ZBBX: variants seen among roughly 807,000 people sequenced by gnomAD.
The protein encoded by ZBBX is zinc finger B-box domain-containing protein 1.
A neutral mutation model predicts 108.5 loss-of-function variants in ZBBX; 101 were observed. The ratio of observed to expected loss-of-function variants is 0.93; its 90% CI spans 0.79 to 1.10. ZBBX has a LOEUF of 1.10. Among genes scored for constraint, ZBBX ranks in the 50% least tolerant of loss-of-function variants. ZBBX has a pLI of 0.00. For synonymous variants in ZBBX, 356 were observed against 323.4 expected, an observed-to-expected ratio of 1.10 and a Z score of -1.08; for missense variants, 1,009 against 941.4, an observed-to-expected ratio of 1.07 and a Z score of -0.94.
intron 20 of ZBBX, among the ~76,000 whole-genome samples, chr3:167,249,978 T>G (rs1722290999): frequency 6.6e-6 from 1 of 152,182 alleles, no homozygotes; most frequent in African/African-American, 2.4e-5. Context: ...TTATATTAAG[T>G]TGTCCATGAT....
the ZBBX span, among the ~76,000 whole-genome samples, chr3:167,227,389 A>G: frequency 4.9e-3 from 738 of 151,780 alleles, 2 homozygotes; most frequent in African/African-American, 0.017. Flanking sequence ...ACAAAGCATT[A>G]TATTTTACCT....
At chr3:167,331,193 G>C (rs2108386756) in intron 10 of ZBBX, among the ~76,000 whole-genome samples, 1 of 5,036 alleles carries the variant, frequency 2.0e-4, no homozygotes, top group Admixed American at 2.1e-3. Flanking sequence ...GCTAATAAAG[G>C]TAACCAACTG....
chr3:167,303,535 T>A (rs1005602934), intron 17 of ZBBX, among the ~76,000 whole-genome samples: 1 of 152,192 alleles, frequency 6.6e-6, no homozygotes, highest in African/African-American at 2.4e-5. Flanking sequence ...AATTTCTTCC[T>A]TTTTTAAGTA....
At position 167,339,105 on chromosome 3, in the gene ZBBX, C is replaced by T. The variant is rs201352305; in HGVS notation, c.529-5120G>A. Among the ~76,000 whole-genome samples, 33 of 152,228 alleles carry T rather than the reference C, an allele frequency of 2.2e-4. No individual in the cohort carries two copies. In the East Asian group the frequency reaches 6.2e-3, roughly 29 times the overall value. On this transcript the variant is annotated intron_variant, in intron 9 of 21. Transcript: ENST00000675490. ...AATAGGGCAATGATGTCTGTATTAA[C>T]TCCAGAGTGTTATTGATTCTTAAGG... is the stretch of plus-strand genomic sequence containing the variant.
chr3:167,333,907 C>A lies in ZBBX; in HGVS notation c.607G>T (p.Glu203Ter), dbSNP rs777667343. ...IKDVNPDEPK[E>*]ENNSTKETSK... is the part of the protein sequence containing the mutation. ...GTTTCCTTTGTAGAATTATTCTCCT[C>A]TTTGGGTTCATCTGGATTAACATCC... is the stretch of plus-strand genomic sequence containing the variant. The change falls in exon 10 of 22, where the codon GAG becomes TAG. Residue 203 changes from glutamate (E) to a stop codon, truncating the protein, a stop_gained. Transcript: ENST00000675490. LOFTEE classifies it high-confidence loss of function. 6.2e-7 allele frequency: 1 copy of A among 1,612,682 alleles called. No homozygotes were observed. The highest frequency in any genetic ancestry group is 1.1e-5 in the South Asian group (1 of 90,934).
At chr3:167,323,493 G>A (rs779659781) in intron 11 of ZBBX, among the ~76,000 whole-genome samples, 2 of 152,040 alleles carry the variant, frequency 1.3e-5, no homozygotes. Flanking sequence ...AATATTTGCT[G>A]GGAGGAGACT....
At chr3:167,397,762 T>G (rs577128908) in intron 1 of ZBBX, among the ~76,000 whole-genome samples, 2 of 150,888 alleles carry the variant, frequency 1.3e-5, no homozygotes, top group South Asian at 4.2e-4. Flanking sequence ...GCTTTGCCTT[T>G]CAAAAGGAAA....
At chr3:167,401,829 T>C (rs1200549738) in intron 1 of ZBBX, among the ~76,000 whole-genome samples, 2 of 152,208 alleles carry the variant, frequency 1.3e-5, no homozygotes, top group Non-Finnish European at 2.9e-5. Flanking sequence ...CCAGCTCCTG[T>C]TCTAGACGGA....
chr3:167,292,599 G>C (rs1219349969), intron 18 of ZBBX, among the ~76,000 whole-genome samples: 1 of 152,118 alleles, frequency 6.6e-6, no homozygotes, highest in Non-Finnish European at 1.5e-5. Context: ...GAGAAAGCTG[G>C]AAAGATCTAA....
chr3:167,350,997 A>G (rs1742546099), intron 8 of ZBBX, among the ~76,000 whole-genome samples: 1 of 152,028 alleles, frequency 6.6e-6, no homozygotes, highest in South Asian at 2.1e-4. Context: ...TTTGCCCTCC[A>G]AAATCCCTAT....
intron 1 of ZBBX, among the ~76,000 whole-genome samples, chr3:167,386,857 G>A (rs1178211756): frequency 6.6e-6 from 1 of 151,996 alleles, no homozygotes; most frequent in African/African-American, 2.4e-5. Context: ...AAGCTAGGAG[G>A]CACAAAACAA....
At chr3:167,322,883 G>A (rs1238335078) in intron 11 of ZBBX, among the ~76,000 whole-genome samples, 1 of 151,962 alleles carries the variant, frequency 6.6e-6, no homozygotes, top group Non-Finnish European at 1.5e-5. Context: ...AAATGTAGGA[G>A]AATCAAGGGA....
chr3:167,274,462 C>T (rs760418320), intron 20 of ZBBX, among the ~76,000 whole-genome samples: 2 of 152,066 alleles, frequency 1.3e-5, no homozygotes, highest in African/African-American at 2.4e-5. Flanking sequence ...AAAGCCAGAA[C>T]ATGTTAAAAA....
At chr3:167,386,678 T>C (rs938638337) in intron 1 of ZBBX, among the ~76,000 whole-genome samples, 5 of 152,072 alleles carry the variant, frequency 3.3e-5, no homozygotes, top group Non-Finnish European at 7.4e-5. Context: ...TTGATATAGC[T>C]TTAGGGAAAA....
At chr3:167,198,566 T>C in the ZBBX span, among the ~76,000 whole-genome samples, 1 of 152,168 alleles carries the variant, frequency 6.6e-6, no homozygotes, top group East Asian at 1.9e-4. Flanking sequence ...GTTTAAGCCA[T>C]ATAATAGTGA....
chr3:167,328,476 T>TA (rs1259998941), intron 10 of ZBBX, among the ~76,000 whole-genome samples: 3 of 126,790 alleles, frequency 2.4e-5, no homozygotes, highest in African/African-American at 2.7e-5. Flanking sequence ...CCTTCTCATA[T>TA]CAAAAAAACA....
rs377233490 is a variant in ZBBX at position 167,328,111 on chromosome 3, T to G, written c.693A>C (p.Glu231Asp). 6.2e-7 allele frequency: 1 copy of G among 1,608,708 alleles called. No homozygotes were observed. Among genetic ancestry groups the G allele is most frequent in the African/African-American group, 1.3e-5 (1 of 74,518 alleles). Residue 231 changes from glutamate (E) to aspartate (D), a missense_variant, in exon 11 of 22, where the codon GAA becomes GAC. By Grantham distance (45) the Glu-to-Asp change is conservative. Transcript: ENST00000675490. ...GTTGTGCTCTTTTCATCGTTGTAAT[T>G]TCTACCTAATTAAAAGGATACATAG... ...VLLQRSSSEV[E>D]ITTMKRAQRT...
intron 17 of ZBBX, among the ~76,000 whole-genome samples, chr3:167,303,098 A>T (rs1733004582): frequency 6.6e-6 from 1 of 152,192 alleles, no homozygotes; most frequent in African/African-American, 2.4e-5. Context: ...TGAGAGACCC[A>T]AGAGGAATTG....
At chr3:167,218,805 C>A in the ZBBX span, among the ~76,000 whole-genome samples, 1 of 151,956 alleles carries the variant, frequency 6.6e-6, no homozygotes, top group Non-Finnish European at 1.5e-5. Flanking sequence ...TATAAATGGA[C>A]TAAGCTCTCC....
Sources: allele counts gnomAD v4.1 joint callset (sites outside exome capture counted in the v4.1 genomes callset), GRCh38; gene constraint gnomAD v4.1.1; transcripts MANE v1.5; gene names NCBI Gene and HGNC (gene_info 2026-07-23, HGNC 2026-07-21).